MAEL: variants seen among roughly 807,000 people sequenced by gnomAD.
MAEL encodes protein maelstrom homolog.
MAEL carries 46 observed loss-of-function variants against 62.0 expected under a neutral mutation model. The observed-to-expected ratio is 0.74, with a 90% CI of 0.59 to 0.95. MAEL has a LOEUF of 0.95. Among genes scored for constraint, MAEL ranks in the 40% least tolerant of loss-of-function variants. MAEL has a pLI of 0.00. For missense variants in MAEL, 497 were observed against 526.8 expected, an observed-to-expected ratio of 0.94 and a Z score of 0.55; for synonymous variants, 172 against 175.5, an observed-to-expected ratio of 0.98 and a Z score of 0.16.
At chr1:166,981,150 G>A (rs894672230) in intron 1 of MAEL, among the ~76,000 whole-genome samples, 2 of 152,160 alleles carry the variant, frequency 1.3e-5, no homozygotes, top group Non-Finnish European at 2.9e-5. Flanking sequence ...GAAAACAGCA[G>A]CCCTGACCTT....
rs189441300 is a variant in MAEL at position 166,977,835 on chromosome 1, C to T, written c.-121+2169C>T. On this transcript the variant is annotated intron_variant, in intron 1 of 12. Coordinates refer to the MAEL transcript ENST00000622874. ...GCGTGGTTGTACATACCTGTAGTCC[C>T]AGCTACTCTGGAGGCTAAGATGGGA... 2.2e-4 allele frequency among the ~76,000 whole-genome samples: 33 copies of T among 152,266 alleles called. No homozygotes were observed. In the East Asian group the frequency reaches 6.0e-3, roughly 28 times the overall value.
intron 10 of MAEL, among the ~76,000 whole-genome samples, chr1:167,019,203 G>A (rs1453056254): frequency 6.6e-6 from 1 of 152,090 alleles, no homozygotes; most frequent in Non-Finnish European, 1.5e-5. Context: ...TAAAGGCCAG[G>A]AATGCTGTTA....
chr1:167,000,331 G>A (rs1349297094), intron 5 of MAEL, among the ~76,000 whole-genome samples: 1 of 152,166 alleles, frequency 6.6e-6, no homozygotes, highest in Non-Finnish European at 1.5e-5. Context: ...TCTCATGAAT[G>A]ACTTTGAGCA....
chr1:166,986,695 A>C (rs1571236686), upstream of MAEL, among the ~76,000 whole-genome samples: 3 of 152,332 alleles, frequency 2.0e-5, no homozygotes, highest in African/African-American at 7.2e-5. Flanking sequence ...CATAATAAAC[A>C]GGCAAGAAAA....
chr1:167,008,292 GTTC>G (rs1665018078), intron 8 of MAEL, among the ~76,000 whole-genome samples: 1 of 152,024 alleles, frequency 6.6e-6, no homozygotes, highest in African/African-American at 2.4e-5. Flanking sequence ...AACTTTTTCT[GTTC>G]TTCTATGGAA....
upstream of MAEL, among the ~76,000 whole-genome samples, chr1:166,988,496 C>T (rs996292432): frequency 6.6e-6 from 1 of 151,764 alleles, no homozygotes; most frequent in African/African-American, 2.4e-5. Flanking sequence ...AAAGCTGACC[C>T]GAGAAAGGAA....
chr1:166,990,101 C>T (rs1236067705), intron 2 of MAEL: 3 of 272,594 alleles, frequency 1.1e-5, no homozygotes, highest in Non-Finnish European at 2.0e-5. Flanking sequence ...ACTTTGATCG[C>T]TAATGGGAGT....
chr1:166,985,953 CTA>C (rs1663900052), upstream of MAEL, among the ~76,000 whole-genome samples: 2 of 152,028 alleles, frequency 1.3e-5, no homozygotes, highest in Non-Finnish European at 2.9e-5. Context: ...GAAGGATAGA[CTA>C]TGTTAAGTAG....
At chr1:166,983,905 G>T (rs564011974) in intron 1 of MAEL, among the ~76,000 whole-genome samples, 1 of 151,746 alleles carries the variant, frequency 6.6e-6, no homozygotes, top group African/African-American at 2.4e-5. Context: ...GGGAGGCTGA[G>T]GTGGGAGGAT....
chr1:167,005,304 G>T lies in MAEL; in HGVS notation c.752G>T (p.Gly251Val), dbSNP rs757184732. The T allele has an allele frequency of 6.2e-7, 1 of 1,613,444 alleles. No individual in the cohort carries two copies. The highest frequency in any genetic ancestry group is 8.5e-7 in the Non-Finnish European group (1 of 1,179,720). Residue 251 changes from glycine to valine, a missense_variant, in exon 8 of 12, where the codon GGG becomes GTG. Transcript: ENST00000367872. ...CTCACTGTAGAGGACCTTGTAGTGG[G>T]GATCTACCAACAAAAATTTCTCAAG... ...QLLTVEDLVV[G>V]IYQQKFLKEP...
upstream of MAEL, among the ~76,000 whole-genome samples, chr1:166,984,506 T>A (rs1237667425): frequency 6.6e-6 from 1 of 152,146 alleles, no homozygotes; most frequent in Admixed American, 6.5e-5. Flanking sequence ...TTTTGAAATA[T>A]GTTGTACACA....
At chr1:167,009,467 C>CT (rs1358019460) in intron 8 of MAEL, among the ~76,000 whole-genome samples, 3 of 151,858 alleles carry the variant, frequency 2.0e-5, no homozygotes, top group Non-Finnish European at 4.4e-5. Flanking sequence ...AGACTTTAGT[C>CT]TTTTTTCATT....
At chr1:166,990,057 G>A (rs781309706) in intron 2 of MAEL, 24 of 492,914 alleles carry the variant, frequency 4.9e-5, no homozygotes, top group Non-Finnish European at 7.9e-5. Flanking sequence ...TGAAAGGCCT[G>A]GGGAATTCCT....
intron 10 of MAEL, 101 bp downstream of exon 10, chr1:167,018,060 C>A (rs1665471347): frequency 8.9e-7 from 1 of 1,122,122 alleles, no homozygotes. Context: ...TTGGTTCTTT[C>A]CCTCCCCTTA....
At position 167,007,552 on chromosome 1, in the gene MAEL, T is replaced by C. The variant is rs1245327313; in HGVS notation, c.845+2155T>C. Reference sequence around the variant, plus strand: ...CCCCTTAGTAGAGAGCTAGGAAATATATGTTTGTGTGTGTGTGTGTGTGTG... The same window carrying C: ...CCCCTTAGTAGAGAGCTAGGAAATACATGTTTGTGTGTGTGTGTGTGTGTG... On this transcript the variant is annotated intron_variant, in intron 8 of 11. Coordinates refer to ENST00000367872, the MANE Select transcript of MAEL (RefSeq NM_032858.3). Among the ~76,000 whole-genome samples the C allele has an allele frequency of 4.0e-5, 5 of 123,784 alleles. 1 individual carries two copies. The highest frequency in any genetic ancestry group is 1.4e-4 in the African/African-American group (4 of 28,740). The allele number at this position is 123,784 out of a possible 152,430, so 81.2% of individuals were successfully genotyped here. A position where few individuals can be genotyped will look rare whatever the true frequency, so the allele number is the denominator to read the frequency against.
At chr1:167,009,739 C>G (rs1177016597) in intron 8 of MAEL, among the ~76,000 whole-genome samples, 2 of 151,750 alleles carry the variant, frequency 1.3e-5, no homozygotes, top group Admixed American at 6.6e-5. Flanking sequence ...TTTGTTTATT[C>G]TCATGATAGT....
chr1:167,017,273 C>T (rs546421899), intron 9 of MAEL, among the ~76,000 whole-genome samples: 1 of 152,196 alleles, frequency 6.6e-6, no homozygotes, highest in East Asian at 1.9e-4. Flanking sequence ...CTACTATGTA[C>T]TCATAAAAAA....
At chr1:166,986,419 A>G (rs1409222516), upstream of MAEL, among the ~76,000 whole-genome samples, 1 of 152,220 alleles carries the variant, frequency 6.6e-6, no homozygotes, top group African/African-American at 2.4e-5. Context: ...CAGAAGTGGG[A>G]CGGTGGTGCG....
intron 8 of MAEL, 30 bp from the exon 9 acceptor site, chr1:167,016,192 T>C: frequency 6.3e-7 from 1 of 1,592,896 alleles, no homozygotes; most frequent in Non-Finnish European, 8.6e-7. Flanking sequence ...CTACTTCAGT[T>C]AGGATATTAA....
Sources: allele counts gnomAD v4.1 joint callset (sites outside exome capture counted in the v4.1 genomes callset), GRCh38; gene constraint gnomAD v4.1.1; transcripts MANE v1.5; gene names NCBI Gene and HGNC (gene_info 2026-07-23, HGNC 2026-07-21).